IMMP2L: variants seen among roughly 807,000 people sequenced by gnomAD.
The protein encoded by IMMP2L is inner mitochondrial membrane peptidase subunit 2, also known as mitochondrial inner membrane protease subunit 2.
In IMMP2L, 18 loss-of-function variants were observed where a neutral mutation model predicts 19.3. That is an observed-to-expected ratio of 0.93 (90% CI 0.64 to 1.38). The LOEUF is 1.38. IMMP2L is among the 40% of genes most tolerant of loss of function. The pLI is 0.00. For synonymous variants in IMMP2L, 76 were observed against 73.0 expected (o/e 1.04, Z -0.21); for missense variants, 233 against 218.2 (o/e 1.07, Z -0.43).
In IMMP2L at chr7:111,537,373, A is replaced by G. The variant is rs181369509; in HGVS notation, c.-2-15924T>C. Among the ~76,000 whole-genome samples the G allele has an allele frequency of 2.8e-4, 42 of 152,256 alleles. No individual in the cohort carries two copies. In the East Asian group the frequency reaches 6.8e-3, roughly 24 times the overall value. On this transcript the variant is annotated intron_variant, in intron 1 of 5. Transcript: ENST00000405709. The stretch of plus-strand genomic sequence containing the variant: ...CCAAAGGTCAACATGGTAGTGAGCC[A>G]AAGTGAGCATTCATGAAAAAAATAG...
At chr7:111,079,169 G>C (rs1795670952) in intron 3 of IMMP2L, among the ~76,000 whole-genome samples, 1 of 149,568 alleles carries the variant, frequency 6.7e-6, no homozygotes, top group African/African-American at 2.5e-5. Context: ...CCAGGCTGGA[G>C]TGCAGTGGCG....
At chr7:110,932,530 T>C (rs917664129) in intron 4 of IMMP2L, among the ~76,000 whole-genome samples, 4 of 152,100 alleles carry the variant, frequency 2.6e-5, no homozygotes, top group African/African-American at 9.7e-5. Flanking sequence ...TTTTTTTGTA[T>C]TTTTAAGTAG....
At chr7:111,150,659 T>G (rs977821159) in intron 3 of IMMP2L, among the ~76,000 whole-genome samples, 2 of 152,196 alleles carry the variant, frequency 1.3e-5, no homozygotes, top group African/African-American at 4.8e-5. Flanking sequence ...CTATAGAATT[T>G]TACGCTCTCG....
chr7:111,076,068 G>GA (rs1431630639), intron 3 of IMMP2L, among the ~76,000 whole-genome samples: 1 of 151,864 alleles, frequency 6.6e-6, no homozygotes, highest in Non-Finnish European at 1.5e-5. Flanking sequence ...TTCTCTCTAG[G>GA]AAAAAAAAGT....
chr7:111,556,035 T>TATAC lies in IMMP2L; in HGVS notation c.-3+5815_-3+5816insGTAT, dbSNP rs1554550178. On this transcript the variant is annotated intron_variant, in intron 1 of 5. Transcript: ENST00000405709. ...GTGTGCATGTATATATATATATATA[T>TATAC]ACATACCCAAAGAAAATGAAACCGC... Among the ~76,000 whole-genome samples the TATAC allele has an allele frequency of 7.4e-5, 10 of 135,732 alleles. 2 individuals carry two copies. Among genetic ancestry groups the TATAC allele is most frequent in the African/African-American group, 1.4e-4 (5 of 36,430 alleles). The allele number at this position is 135,732 out of a possible 152,430, so 89.0% of individuals were successfully genotyped here.
chr7:110,933,502 T>C (rs953110758), intron 4 of IMMP2L, among the ~76,000 whole-genome samples: 2 of 149,402 alleles, frequency 1.3e-5, no homozygotes, highest in Non-Finnish European at 2.9e-5. Flanking sequence ...TCTTATGATA[T>C]TAAACAAGAG....
intron 3 of IMMP2L, among the ~76,000 whole-genome samples, chr7:111,358,332 C>G (rs942311000): frequency 7.3e-5 from 11 of 151,414 alleles, no homozygotes; most frequent in Non-Finnish European, 1.5e-4. Context: ...TTAGGCAACC[C>G]CGAAACGTTA....
intron 3 of IMMP2L, among the ~76,000 whole-genome samples, chr7:111,201,506 A>G (rs1408082271): frequency 1.3e-5 from 2 of 152,034 alleles, no homozygotes; most frequent in African/African-American, 4.8e-5. Flanking sequence ...GCTTGAGCCT[A>G]GGAGTTCAAG....
At chr7:111,333,256 T>C (rs192839245) in intron 3 of IMMP2L, among the ~76,000 whole-genome samples, 259 of 152,204 alleles carry the variant, frequency 1.7e-3, no homozygotes, top group African/African-American at 5.1e-3. Context: ...AAGAACATGT[T>C]TGTGCATGTA....
chr7:111,229,335 C>T (rs576020860), intron 3 of IMMP2L, among the ~76,000 whole-genome samples: 2 of 151,912 alleles, frequency 1.3e-5, no homozygotes, highest in South Asian at 2.1e-4. Context: ...GTAAGTGATA[C>T]GTATGTATCC....
intron 4 of IMMP2L, among the ~76,000 whole-genome samples, chr7:110,942,314 A>C (rs1409705992): frequency 1.3e-5 from 2 of 151,994 alleles, no homozygotes; most frequent in Non-Finnish European, 2.9e-5. Context: ...TAGCAGTGTC[A>C]AGATTTACAA....
intron 3 of IMMP2L, among the ~76,000 whole-genome samples, chr7:111,347,233 G>A (rs1827662968): frequency 6.6e-6 from 1 of 152,080 alleles, no homozygotes; most frequent in Admixed American, 6.6e-5. Context: ...AGAATATGGA[G>A]TGTCAGCAGG....
chr7:111,158,567 C>T (rs888910399), intron 3 of IMMP2L, among the ~76,000 whole-genome samples: 13 of 152,182 alleles, frequency 8.5e-5, no homozygotes, highest in Admixed American at 2.0e-4. Flanking sequence ...TCTAGTTTTT[C>T]GAATCACGGT....
intron 5 of IMMP2L, among the ~76,000 whole-genome samples, chr7:110,805,690 A>G (rs1801584580): frequency 6.6e-6 from 1 of 152,068 alleles, no homozygotes. Context: ...AATGTAATAG[A>G]ATCATAAAAT....
chr7:110,876,135 T>C lies in IMMP2L; in HGVS notation c.408+10458A>G, dbSNP rs966059667. Among the ~76,000 whole-genome samples the C allele has an allele frequency of 3.9e-5, 6 of 152,180 alleles. No individual in the cohort carries two copies. In the East Asian group the frequency reaches 1.2e-3, roughly 29 times the overall value. ...AAATATTTTAATTTTGAAAAATATA[T>C]ATTTGTGTACGTTTTAAATAATAAT... On this transcript the variant is annotated intron_variant, in intron 5 of 5. Coordinates refer to ENST00000405709, the MANE Select transcript of IMMP2L (RefSeq NM_032549.4).
intron 3 of IMMP2L, among the ~76,000 whole-genome samples, chr7:111,018,616 A>G (rs1825943846): frequency 1.3e-5 from 2 of 152,092 alleles, no homozygotes; most frequent in Non-Finnish European, 2.9e-5. Context: ...CAACCCCTAC[A>G]ATGCCAACAG....
At chr7:110,732,575 G>A (rs951235438) in intron 5 of IMMP2L, among the ~76,000 whole-genome samples, 5 of 152,066 alleles carry the variant, frequency 3.3e-5, no homozygotes, top group African/African-American at 4.8e-5. Flanking sequence ...GCTTTTATAA[G>A]GATTTTGCAC....
chr7:110,897,378 G>C (rs551967510), intron 4 of IMMP2L, among the ~76,000 whole-genome samples: 2 of 152,262 alleles, frequency 1.3e-5, no homozygotes, highest in East Asian at 3.9e-4. Context: ...AGGAAAAACT[G>C]CTTAAATTCA....
intron 5 of IMMP2L, among the ~76,000 whole-genome samples, chr7:110,763,005 AT>A (rs1369291123): frequency 1.3e-5 from 2 of 152,242 alleles, no homozygotes; most frequent in East Asian, 1.9e-4. Flanking sequence ...GAGCTGGGGA[AT>A]AGCTCCATGG....
Sources: allele counts gnomAD v4.1 joint callset (sites outside exome capture counted in the v4.1 genomes callset), GRCh38; gene constraint gnomAD v4.1.1; transcripts MANE v1.5; gene names NCBI Gene and HGNC (gene_info 2026-07-23, HGNC 2026-07-21).